Variants in CCDC30 observed in about 807,000 individuals in gnomAD.
CCDC30 encodes the protein coiled-coil domain containing 30, also known as coiled-coil domain-containing protein 30.
A neutral mutation model predicts 100.2 loss-of-function variants in CCDC30; 70 were observed. The observed-to-expected ratio is 0.70, with a 90% CI of 0.58 to 0.85. The LOEUF is 0.85. CCDC30 is among the 40% of genes least tolerant of loss of function. The pLI is 0.00. For synonymous variants in CCDC30, 233 were observed against 269.5 expected, an observed-to-expected ratio of 0.86 and a Z score of 1.33; for missense variants, 652 against 771.2, an observed-to-expected ratio of 0.85 and a Z score of 1.83.
intron 11 of CCDC30, among the ~76,000 whole-genome samples, chr1:42,611,600 T>G (rs1305398002): frequency 6.6e-6 from 1 of 152,034 alleles, no homozygotes; most frequent in African/African-American, 2.4e-5. Flanking sequence ...CAAATACCAT[T>G]GTCCAAAGGT....
chr1:42,496,386 A>G lies in CCDC30; in HGVS notation c.242-712A>G, dbSNP rs557320355. Reference sequence around the variant, plus strand: ...CTCTAGAACTCTACTTCAGAGCTACATTCTTATAGATGAGGGTACATGCTT... The same window carrying G: ...CTCTAGAACTCTACTTCAGAGCTACGTTCTTATAGATGAGGGTACATGCTT... On this transcript the variant is annotated intron_variant, in intron 4 of 16. Coordinates refer to ENST00000668663, the Ensembl canonical transcript of CCDC30. 2.0e-5 allele frequency among the ~76,000 whole-genome samples: 3 copies of G among 152,220 alleles called. No homozygotes were observed. In the East Asian group the frequency reaches 5.8e-4, roughly 29 times the overall value.
At chr1:42,614,714 G>C (rs1646691958) in intron 11 of CCDC30, among the ~76,000 whole-genome samples, 1 of 151,534 alleles carries the variant, frequency 6.6e-6, no homozygotes, top group South Asian at 2.1e-4. Flanking sequence ...TTGAGCCCAG[G>C]AGGCAGATAT....
intron 6 of CCDC30, among the ~76,000 whole-genome samples, chr1:42,541,882 A>G (rs1339672332): frequency 6.6e-6 from 1 of 152,162 alleles, no homozygotes; most frequent in East Asian, 1.9e-4. Flanking sequence ...CAACATCTAG[A>G]CTCATACAGA....
At chr1:42,647,298 A>T (rs1647967040) in intron 15 of CCDC30, among the ~76,000 whole-genome samples, 1 of 152,152 alleles carries the variant, frequency 6.6e-6, no homozygotes, top group Admixed American at 6.5e-5. Flanking sequence ...CTATAGTCAT[A>T]TCAGATAAAT....
At chr1:42,577,349 T>C in intron 8 of CCDC30, 120 bp downstream of exon 12, 2 of 711,996 alleles carry the variant, frequency 2.8e-6, no homozygotes, top group South Asian at 4.0e-5. Flanking sequence ...AGATTTTTTT[T>C]CTCTCCCATG....
At chr1:42,506,910 C>A (rs1225753789) in intron 6 of CCDC30, among the ~76,000 whole-genome samples, 1 of 152,122 alleles carries the variant, frequency 6.6e-6, no homozygotes, top group Non-Finnish European at 1.5e-5. Flanking sequence ...CAAAATTTAT[C>A]CTTGCATTGG....
At chr1:42,583,251 C>T (rs756505431) in intron 9 of CCDC30, among the ~76,000 whole-genome samples, 42 of 152,114 alleles carry the variant, frequency 2.8e-4, no homozygotes, top group Non-Finnish European at 3.7e-4. Context: ...CTTAGTTTCA[C>T]CATAAATTTG....
intron 7 of CCDC30, among the ~76,000 whole-genome samples, chr1:42,566,771 G>C (rs1400786069): frequency 6.6e-6 from 1 of 152,084 alleles, no homozygotes; most frequent in African/African-American, 2.4e-5. Flanking sequence ...CCTGCCCTGT[G>C]TATCACTAGA....
chr1:42,650,075 G>T (rs12742569), intron 15 of CCDC30, among the ~76,000 whole-genome samples: 11 of 152,082 alleles, frequency 7.2e-5, no homozygotes, highest in Admixed American at 2.0e-4. Context: ...GTCATTTTTC[G>T]TAGAAATAGA....
intron 3 of CCDC30, among the ~76,000 whole-genome samples, chr1:42,483,417 CA>C (rs1231663358): frequency 6.6e-6 from 1 of 152,174 alleles, no homozygotes; most frequent in Non-Finnish European, 1.5e-5. Flanking sequence ...ATTACTGAAT[CA>C]AAGGGCAGGT....
At chr1:42,456,858 C>T in the CCDC30 span, 10 of 1,613,522 alleles carry the variant, frequency 6.2e-6, no homozygotes, top group Admixed American at 5.0e-5. Context: ...CGCTTCCCAC[C>T]CCAGACTTGG....
At chr1:42,588,563 A>G (rs1032663502) in intron 9 of CCDC30, among the ~76,000 whole-genome samples, 1 of 152,122 alleles carries the variant, frequency 6.6e-6, no homozygotes, top group Non-Finnish European at 1.5e-5. Flanking sequence ...TTAATTCATA[A>G]ATTATTTACC....
chr1:42,512,170 G>A (rs1254080093), intron 6 of CCDC30, among the ~76,000 whole-genome samples: 1 of 152,230 alleles, frequency 6.6e-6, no homozygotes, highest in Non-Finnish European at 1.5e-5. Flanking sequence ...AACACCTTAA[G>A]TGGTTTTCCA....
At chr1:42,566,274 T>G (rs1197066411) in intron 6 of CCDC30, 22 bp from the exon 11 acceptor site, 1 of 1,587,540 alleles carries the variant, frequency 6.3e-7, no homozygotes, top group Non-Finnish European at 8.6e-7. Flanking sequence ...TCTGTGTTTC[T>G]CTTTTAAAAT....
intron 6 of CCDC30, among the ~76,000 whole-genome samples, chr1:42,550,115 C>G (rs776460397): frequency 2.6e-5 from 4 of 152,158 alleles, no homozygotes; most frequent in Non-Finnish European, 5.9e-5. Context: ...TTGATCAAGC[C>G]AAAACCTAGG....
At chr1:42,629,969 A>ATTTTTT (rs4019432) in intron 11 of CCDC30, among the ~76,000 whole-genome samples, 1 of 90,122 alleles carries the variant, frequency 1.1e-5, no homozygotes, top group Non-Finnish European at 2.1e-5. Flanking sequence ...ATGTCCCCCT[A>ATTTTTT]TTTTTTTTTT....
chr1:42,596,757 AC>A lies in CCDC30; in HGVS notation c.1164+7275del, dbSNP rs58832279. On this transcript the variant is annotated intron_variant, in intron 10 of 16. Coordinates refer to ENST00000668663, the Ensembl canonical transcript of CCDC30. The surrounding 1 kb of genome is among the most constrained non-coding windows in gnomAD (Gnocchi z 4.3). Reference sequence around the variant, plus strand: ...GGCAAAAAAACAAACAAACAAACAAACAAAAACAGTTTGAACAGACAGAGCA... The same window carrying A: ...GGCAAAAAAACAAACAAACAAACAAAAAAAACAGTTTGAACAGACAGAGCA... 0.62 allele frequency among the ~76,000 whole-genome samples: 94,392 copies of A among 151,648 alleles called. 29,596 individuals carry two copies. The highest frequency in any genetic ancestry group is 0.7 in the South Asian group (3,357 of 4,818).
chr1:42,485,529 T>C (rs1014270009), intron 3 of CCDC30, among the ~76,000 whole-genome samples: 22 of 152,218 alleles, frequency 1.4e-4, no homozygotes, highest in African/African-American at 4.1e-4. Context: ...CGTGGTGACA[T>C]GCACCTGTAG....
chr1:42,578,338 T>A (rs1252776900), intron 8 of CCDC30, among the ~76,000 whole-genome samples: 1 of 152,180 alleles, frequency 6.6e-6, no homozygotes, highest in African/African-American at 2.4e-5. Flanking sequence ...GCTATGGAAG[T>A]AAGATAGTGG....
Sources: allele counts gnomAD v4.1 joint callset (sites outside exome capture counted in the v4.1 genomes callset), GRCh38; gene constraint gnomAD v4.1.1; non-coding constraint Gnocchi (gnomAD v3.1); transcripts MANE v1.5; gene names NCBI Gene and HGNC (gene_info 2026-07-23, HGNC 2026-07-21).